DSC1: variants seen among roughly 807,000 people sequenced by gnomAD.
DSC1 encodes the protein desmocollin-1.
Under a neutral mutation model 98.8 loss-of-function variants are expected in DSC1, and 79 were observed. The observed-to-expected ratio is 0.80, with a 90% confidence interval of 0.67 to 0.96. DSC1 has a LOEUF of 0.96. Among genes scored for constraint, DSC1 ranks in the 50% least tolerant of loss-of-function variants. The pLI, the probability that DSC1 is intolerant of heterozygous loss-of-function variation, is 0.00. For missense variants in DSC1, 1,115 were observed against 1,075.9 expected, an observed-to-expected ratio of 1.04 and a Z score of -0.51; for synonymous variants, 405 against 372.1, an observed-to-expected ratio of 1.09 and a Z score of -1.02.
intron 11 of DSC1, among the ~76,000 whole-genome samples, chr18:31,135,713 G>A (rs943451458): frequency 6.6e-6 from 1 of 152,050 alleles, no homozygotes; most frequent in African/African-American, 2.4e-5. Flanking sequence ...CCCATTATTT[G>A]TGTTTAAGAG....
intron 4 of DSC1, among the ~76,000 whole-genome samples, chr18:31,155,445 C>T (rs940629614): frequency 2.0e-5 from 3 of 152,052 alleles, no homozygotes; most frequent in Non-Finnish European, 4.4e-5. Context: ...AACTGGTCAA[C>T]ATGGCGAAAC....
chr18:31,133,863 T>A (rs1382164965), intron 13 of DSC1, 28 bp downstream of exon 13: 2 of 1,568,786 alleles, frequency 1.3e-6, no homozygotes, highest in Admixed American at 3.7e-5. Context: ...GCTAACACAT[T>A]CTAGATAATG....
Position 31,143,684 on chromosome 18 carries a change from G to T in DSC1, c.1047C>A (p.Asp349Glu). The T allele has an allele frequency of 6.3e-7, 1 of 1,589,926 alleles. No homozygotes were observed. Among genetic ancestry groups the T allele is most frequent in the South Asian group, 1.2e-5 (1 of 86,756 alleles). ...AAGTTTCTGTGAAAGATGGTGGATT[G>T]TCATTTTCATCCTCAAGTGAAATAG... ...TITISLEDEN[D>E]NPPSFTETSY... The change falls in exon 8 of 16, where the codon GAC becomes GAA. Residue 349 changes from aspartate to glutamate, a missense_variant. Physicochemically the swap from Asp to Glu is conservative, Grantham distance 45 (BLOSUM62 2). Transcript: ENST00000257198.
In DSC1 at chr18:31,130,102, C is replaced by G. The variant is rs1345051858; in HGVS notation, c.*412G>C. ...TCTGGCACCAACTATGTTCTAAGAA[C>G]ATAATTCTCCCCAAGATTTTGAAGA... On this transcript the variant is annotated 3_prime_UTR_variant, in exon 16 of 16. Transcript: ENST00000257198. The G allele has an allele frequency of 1.2e-5, 2 of 166,860 alleles. No individual in the cohort carries two copies. The highest frequency in any genetic ancestry group is 1.1e-4 in the Admixed American group (2 of 17,444). 10.3% of individuals were successfully genotyped at this position (166,860 alleles called of 1,614,324 possible).
chr18:31,142,122 A>G lies in DSC1; in HGVS notation c.1137T>C (p.Asp379=), dbSNP rs759220400. Residue 379 remains aspartate, a synonymous_variant, in exon 9 of 16, where the codon GAT becomes GAC. Transcript: ENST00000257198. ...AGTGAGGAGTGTTTGGCAAATCCTGATCCTGTACCTTCATTCGTAAAATCT... is the reference window on the plus strand; with the variant it reads ...AGTGAGGAGTGTTTGGCAAATCCTGGTCCTGTACCTTCATTCGTAAAATCT... ...DVEILRMKVQ[D]QDLPNTPHSK... The G allele has an allele frequency of 6.2e-7, 1 of 1,613,090 alleles. No individual in the cohort carries two copies. The highest frequency in any genetic ancestry group is 2.2e-5 in the East Asian group (1 of 44,772).
chr18:31,146,384 C>T (rs1214751234), intron 6 of DSC1, among the ~76,000 whole-genome samples: 5 of 152,310 alleles, frequency 3.3e-5, no homozygotes, highest in African/African-American at 1.2e-4. Context: ...TAATGACCTC[C>T]AGTTGCATCT....
At chr18:31,137,844 G>C (rs1003917483) in intron 11 of DSC1, among the ~76,000 whole-genome samples, 4 of 152,032 alleles carry the variant, frequency 2.6e-5, no homozygotes, top group African/African-American at 9.7e-5. Flanking sequence ...ATGCTTTCTC[G>C]ACTGACAGCA....
At chr18:31,132,512 T>A (rs1287724925) in intron 14 of DSC1, 56 bp downstream of exon 14, 1 of 1,596,864 alleles carries the variant, frequency 6.3e-7, no homozygotes, top group Admixed American at 1.7e-5. Context: ...TGTTGAGTAA[T>A]AATCTGTCAT....
intron 15 of DSC1, 141 bp downstream of exon 15, chr18:31,131,453 C>T: frequency 8.8e-7 from 1 of 1,131,508 alleles, no homozygotes; most frequent in Non-Finnish European, 1.2e-6. Flanking sequence ...GGGTTTAAAC[C>T]AGACATCCAC....
At chr18:31,130,864 G>T (rs925440827) in intron 15 of DSC1, 153 bp from the exon 16 acceptor site, 2 of 1,596,848 alleles carry the variant, frequency 1.3e-6, no homozygotes, top group Admixed American at 1.8e-5. Context: ...GCACAGGATT[G>T]GTCTGTATTA....
In DSC1 at chr18:31,145,722, A is replaced by G; in HGVS notation, c.828T>C (p.His276=). 3.7e-6 allele frequency: 6 copies of G among 1,614,216 alleles called. No homozygotes were observed. The South Asian group carries it at 6.6e-5, about 18-fold the overall frequency. The change falls in exon 7 of 16, where the codon CAT becomes CAC. Residue 276 remains histidine (H), a synonymous_variant. Transcript: ENST00000257198. ...GTAAGATTTTATATTTCAGACGAGT[A>G]TGGAGAGTGTCAGGTTCGTCAAGGT... ...ATDLDEPDTL[H]TRLKYKILQQ...
At chr18:31,134,175 T>C in intron 12 of DSC1, 45 bp from the exon 13 acceptor site, 3 of 1,584,342 alleles carry the variant, frequency 1.9e-6, no homozygotes, top group Non-Finnish European at 2.6e-6. Context: ...GCTGTTTAGA[T>C]GGCAGTATTA....
intron 11 of DSC1, among the ~76,000 whole-genome samples, chr18:31,135,664 C>A (rs748630523): frequency 2.6e-5 from 4 of 152,096 alleles, no homozygotes; most frequent in Non-Finnish European, 4.4e-5. Flanking sequence ...CTATTATTGG[C>A]CTAAGACTTC....
At chr18:31,134,224 G>A in intron 12 of DSC1, 94 bp from the exon 13 acceptor site, 26 of 1,427,588 alleles carry the variant, frequency 1.8e-5, no homozygotes, top group East Asian at 2.3e-5. Flanking sequence ...AATCAATTTA[G>A]AATAAAAACT....
chr18:31,135,731 A>G (rs548751991), intron 11 of DSC1, among the ~76,000 whole-genome samples: 8 of 152,154 alleles, frequency 5.3e-5, no homozygotes, highest in Non-Finnish European at 1.2e-4. Flanking sequence ...GAGATAATGA[A>G]GTTCAGAAAC....
intron 11 of DSC1, among the ~76,000 whole-genome samples, chr18:31,135,557 T>C (rs16961339): frequency 0.025 from 3,736 of 152,262 alleles, 146 homozygotes; most frequent in African/African-American, 0.087. Flanking sequence ...AAACATTTAA[T>C]TGAATAAGCC....
intron 9 of DSC1, among the ~76,000 whole-genome samples, chr18:31,140,711 A>G (rs1988716405): frequency 6.6e-6 from 1 of 152,200 alleles, no homozygotes; most frequent in African/African-American, 2.4e-5. Flanking sequence ...TACAGCAGTT[A>G]CTCTATGCCT....
chr18:31,139,610 G>A (rs972411715), intron 11 of DSC1, 138 bp downstream of exon 11: 22 of 884,848 alleles, frequency 2.5e-5, no homozygotes, highest in Non-Finnish European at 3.6e-5. Context: ...TAAACTGGGT[G>A]ATATCCAATA....
chr18:31,130,190 C>G lies in DSC1; in HGVS notation c.*324G>C, dbSNP rs529380347. The stretch of plus-strand genomic sequence containing the variant: ...TTTCATTGGCCTCTATAATACCCAG[C>G]TTTCCCAAATGCTCTTCCACAGCAC... On this transcript the variant is annotated 3_prime_UTR_variant, in exon 16 of 16. Transcript: ENST00000257198. 1.2e-5 allele frequency: 3 copies of G among 243,138 alleles called. No individual in the cohort carries two copies. The highest frequency in any genetic ancestry group is 9.3e-5 in the South Asian group (1 of 10,772). The allele number at this position is 243,138 out of a possible 1,614,324, so 15.1% of individuals were successfully genotyped here. A position where few individuals can be genotyped will look rare whatever the true frequency, so the allele number is the denominator to read the frequency against.
Sources: allele counts gnomAD v4.1 joint callset (sites outside exome capture counted in the v4.1 genomes callset), GRCh38; gene constraint gnomAD v4.1.1; transcripts MANE v1.5; gene names NCBI Gene and HGNC (gene_info 2026-07-23, HGNC 2026-07-21).